The following RMDN1 variants were observed in gnomAD, a reference collection of about 807,000 sequenced individuals.
RMDN1 encodes regulator of microtubule dynamics protein 1.
RMDN1 carries 48 observed loss-of-function variants against 48.9 expected under a neutral mutation model. The ratio of observed to expected loss-of-function variants is 0.98; its 90% CI spans 0.78 to 1.25. The LOEUF is 1.25. RMDN1 is among the 50% of genes most tolerant of loss of function. RMDN1 has a pLI of 0.00. For synonymous variants in RMDN1, 148 were observed against 132.6 expected, an observed-to-expected ratio of 1.12 and a Z score of -0.80; for missense variants, 418 against 373.4, an observed-to-expected ratio of 1.12 and a Z score of -0.98.
At chr8:86,503,390 C>CAAAACAAAAAA (rs1491204153) in intron 2 of RMDN1, among the ~76,000 whole-genome samples, 6 of 56,610 alleles carry the variant, frequency 1.1e-4, no homozygotes, top group Non-Finnish European at 2.1e-4. Context: ...AAAAAAAAAA[C>CAAAACAAAAAA]AAAAAAAAAT....
At chr8:86,503,371 C>CAAAA (rs1182231210) in intron 2 of RMDN1, among the ~76,000 whole-genome samples, 9 of 68,036 alleles carry the variant, frequency 1.3e-4, no homozygotes, top group East Asian at 4.2e-4. Flanking sequence ...CAAAACAAAA[C>CAAAA]AAAAAAAAAA....
chr8:86,480,205 A>G, intron 6 of RMDN1, 72 bp downstream of exon 6: 1 of 732,906 alleles, frequency 1.4e-6, no homozygotes, highest in Non-Finnish European at 2.2e-6. Flanking sequence ...TATATATGCA[A>G]AAGAAGATAT....
intron 2 of RMDN1, among the ~76,000 whole-genome samples, chr8:86,496,499 T>C (rs1817364147): frequency 6.6e-6 from 1 of 152,068 alleles, no homozygotes; most frequent in South Asian, 2.1e-4. Context: ...GCTATTCTTA[T>C]TTCAGAGAAA....
chr8:86,475,069 T>G (rs1813138933), intron 8 of RMDN1, 116 bp from the exon 9 acceptor site: 1 of 748,610 alleles, frequency 1.3e-6, no homozygotes, highest in Non-Finnish European at 2.1e-6. Context: ...GTGATTAGAC[T>G]AATGGGAATT....
downstream of RMDN1, chr8:86,470,190 C>A (rs1409623784): frequency 7.8e-7 from 1 of 1,288,870 alleles, no homozygotes; most frequent in African/African-American, 1.5e-5. Context: ...TGTAATAACA[C>A]TTAGAACACA....
intron 9 of RMDN1, 59 bp from the exon 10 acceptor site, chr8:86,474,417 A>T: frequency 7.2e-7 from 1 of 1,390,542 alleles, no homozygotes; most frequent in Non-Finnish European, 1.0e-6. Context: ...TAACTTGTGA[A>T]ATTTAAGTTT....
Position 86,473,540 on chromosome 8 carries a change from C to T in RMDN1, c.*768G>A, listed in dbSNP as rs1586572024. 4.9e-6 allele frequency: 4 copies of T among 810,716 alleles called. No individual in the cohort carries two copies. Among genetic ancestry groups the T allele is most frequent in the East Asian group, 2.5e-4 (2 of 7,982 alleles). 50.2% of individuals were successfully genotyped at this position (810,716 alleles called of 1,614,324 possible). On this transcript the variant is annotated 3_prime_UTR_variant, in exon 10 of 10. Coordinates refer to ENST00000406452, the MANE Select transcript of RMDN1 (RefSeq NM_016033.3). The stretch of plus-strand genomic sequence containing the variant: ...CAGCAATTTGGGAGGCCAAGGCGGG[C>T]AGATCACTTGAGGCCAGGAGTTTGA...
At chr8:86,468,929 A>G (rs190832784), downstream of RMDN1, among the ~76,000 whole-genome samples, 1 of 152,182 alleles carries the variant, frequency 6.6e-6, no homozygotes, top group Non-Finnish European at 1.5e-5. Flanking sequence ...TAGGAGTGCA[A>G]GACTCTCTGT....
intron 8 of RMDN1, 35 bp from the exon 9 acceptor site, chr8:86,474,988 A>G: frequency 6.5e-7 from 1 of 1,549,198 alleles, no homozygotes; most frequent in Non-Finnish European, 8.7e-7. Flanking sequence ...TCTCAGAGGA[A>G]ACAGTGTTGC....
chr8:86,509,630 C>T (rs953675103), upstream of RMDN1, among the ~76,000 whole-genome samples: 18 of 152,070 alleles, frequency 1.2e-4, no homozygotes, highest in African/African-American at 3.9e-4. Context: ...TCCGAACTAC[C>T]TTGTGAAGTA....
intron 1 of RMDN1, 91 bp from the exon 2 acceptor site, chr8:86,507,203 C>G (rs559668946): frequency 2.7e-6 from 2 of 738,724 alleles, no homozygotes; most frequent in Non-Finnish European, 4.8e-6. Flanking sequence ...TTCTCCCACC[C>G]CCAAAGCAAT....
chr8:86,489,322 A>C (rs988319305), intron 2 of RMDN1, among the ~76,000 whole-genome samples: 1 of 152,240 alleles, frequency 6.6e-6, no homozygotes, highest in African/African-American at 2.4e-5. Context: ...ATATGACTAC[A>C]AAATACATAA....
chr8:86,491,893 T>A (rs781759210), intron 2 of RMDN1, among the ~76,000 whole-genome samples: 5 of 152,222 alleles, frequency 3.3e-5, no homozygotes, highest in Non-Finnish European at 7.3e-5. Flanking sequence ...AATAGCTATA[T>A]TCCTGAGATT....
intron 2 of RMDN1, chr8:86,494,732 G>C (rs1163300480): frequency 1.5e-4 from 34 of 230,944 alleles, no homozygotes; most frequent in Non-Finnish European, 7.1e-5. Context: ...GCTCATGCCT[G>C]TAATTCCAGA....
At chr8:86,468,343 CGAAA>C (rs965084564), downstream of RMDN1, 2 of 447,376 alleles carry the variant, frequency 4.5e-6, no homozygotes, top group African/African-American at 4.0e-5. Context: ...ATAGTAAAGA[CGAAA>C]GAAAGGCAGA....
chr8:86,477,154 T>G (rs1214414169), intron 8 of RMDN1, 140 bp downstream of exon 8: 13 of 533,112 alleles, frequency 2.4e-5, no homozygotes, highest in Middle Eastern at 5.2e-4. Flanking sequence ...GAATAAAGAC[T>G]TTAAAAATTG....
At chr8:86,497,073 AAG>A in intron 2 of RMDN1, among the ~76,000 whole-genome samples, 1 of 152,344 alleles carries the variant, frequency 6.6e-6, no homozygotes, top group East Asian at 1.9e-4. Context: ...GCAGAAATCA[AAG>A]ACTTCTTTGA....
intron 2 of RMDN1, among the ~76,000 whole-genome samples, chr8:86,493,411 A>T (rs915870340): frequency 6.6e-6 from 1 of 152,216 alleles, no homozygotes; most frequent in African/African-American, 2.4e-5. Context: ...GCCACGCCTT[A>T]GGAAACAACC....
At chr8:86,493,363 T>G (rs894958395) in intron 2 of RMDN1, among the ~76,000 whole-genome samples, 1 of 152,186 alleles carries the variant, frequency 6.6e-6, no homozygotes, top group African/African-American at 2.4e-5. Context: ...CAAAGAGATA[T>G]TTGTACTGCC....
Sources: allele counts gnomAD v4.1 joint callset (sites outside exome capture counted in the v4.1 genomes callset), GRCh38; gene constraint gnomAD v4.1.1; transcripts MANE v1.5; gene names NCBI Gene and HGNC (gene_info 2026-07-23, HGNC 2026-07-21).